ADAMTS9: variants seen among roughly 807,000 people sequenced by gnomAD.
The protein encoded by ADAMTS9 is A disintegrin and metalloproteinase with thrombospondin motifs 9.
Under a neutral mutation model 257.1 loss-of-function variants are expected in ADAMTS9, and 107 were observed. The observed-to-expected ratio is 0.42, with a 90% CI of 0.36 to 0.49. The LOEUF is 0.49. ADAMTS9 is among the 20% of genes least tolerant of loss of function. The pLI, the probability that ADAMTS9 is intolerant of heterozygous loss-of-function variation, is 0.03. For missense variants in ADAMTS9, 2,353 were observed against 2,469.1 expected, an observed-to-expected ratio of 0.95 and a Z score of 1.00; for synonymous variants, 982 against 880.9, an observed-to-expected ratio of 1.11 and a Z score of -2.03.
intron 28 of ADAMTS9, among the ~76,000 whole-genome samples, chr3:64,585,105 C>G (rs2084114455): frequency 6.6e-6 from 1 of 152,088 alleles, no homozygotes; most frequent in South Asian, 2.1e-4. Context: ...CCAGTTTGAA[C>G]TGTGGGTTTC....
At chr3:64,557,460 T>A (rs2083354817) in intron 30 of ADAMTS9, among the ~76,000 whole-genome samples, 2 of 152,196 alleles carry the variant, frequency 1.3e-5, no homozygotes, top group Non-Finnish European at 2.9e-5. Context: ...AACAGCCTCA[T>A]GAGCATTATA....
intron 12 of ADAMTS9, 95 bp downstream of exon 12, chr3:64,641,753 A>G: frequency 6.7e-7 from 1 of 1,495,744 alleles, no homozygotes; most frequent in Non-Finnish European, 9.1e-7. Flanking sequence ...TAGCTCTCTA[A>G]GTTGGAATGT....
intron 29 of ADAMTS9, among the ~76,000 whole-genome samples, chr3:64,563,769 A>G (rs2083471308): frequency 6.6e-6 from 1 of 152,232 alleles, no homozygotes; most frequent in Non-Finnish European, 1.5e-5. Context: ...CCACATTCAA[A>G]AGTTTCTACA....
chr3:64,541,572 C>T lies in ADAMTS9; in HGVS notation c.5246G>A (p.Ser1749Asn). 1 of 1,614,162 alleles carries T rather than the reference C, an allele frequency of 6.2e-7. No homozygotes were observed. Among genetic ancestry groups the T allele is most frequent in the Non-Finnish European group, 8.5e-7 (1 of 1,180,002 alleles). The change falls in exon 34 of 40, where the codon AGT (serine) becomes AAT (asparagine). Residue 1749 changes from serine (S) to asparagine (N), a missense_variant. Physicochemically the swap from Ser to Asn is conservative, Grantham distance 46. Around this residue, in one of 3 missense-constraint regions of ADAMTS9, gnomAD observed 1,402 missense variants for 1,441.4 expected, o/e 0.97. Coordinates refer to ENST00000498707, the MANE Select transcript of ADAMTS9 (RefSeq NM_182920.2). ...CKEVKRLKGASEDGEYFLMIR... is the reference protein window; with the variant it reads ...CKEVKRLKGANEDGEYFLMIR... ...CATCAGGAAATATTCACCATCTTCACTGGCACCTTTAAGTCTTTTTACCTC... is the reference window on the plus strand; with the variant it reads ...CATCAGGAAATATTCACCATCTTCATTGGCACCTTTAAGTCTTTTTACCTC...
intron 3 of ADAMTS9, among the ~76,000 whole-genome samples, chr3:64,664,410 G>A (rs1182264656): frequency 6.6e-6 from 1 of 152,072 alleles, no homozygotes; most frequent in Non-Finnish European, 1.5e-5. Context: ...GGAGAAATCC[G>A]ATACCTCTTA....
chr3:64,641,814 G>A (rs542061385), intron 12 of ADAMTS9, 34 bp downstream of exon 12: 35 of 1,607,122 alleles, frequency 2.2e-5, no homozygotes, highest in Admixed American at 3.4e-5. Flanking sequence ...TTCCTGCCAC[G>A]GCAGTAATAA....
rs188703208 is a variant in ADAMTS9, at chr3:64,520,517, A to G, written c.*5+1649T>C. Reference sequence around the variant, plus strand: ...AAGCAAAAAGAACGAAGCCAGAGGTATCATATTACCGGACTTCAAACTCTA... The same window carrying G: ...AAGCAAAAAGAACGAAGCCAGAGGTGTCATATTACCGGACTTCAAACTCTA... On this transcript the variant is annotated intron_variant, in intron 39 of 39. Transcript: ENST00000498707. Among the ~76,000 whole-genome samples, 38 of 152,298 alleles carry G rather than the reference A, an allele frequency of 2.5e-4. No homozygotes were observed. In the East Asian group the frequency reaches 5.8e-3, roughly 23 times the overall value.
chr3:64,635,712 C>T (rs921809067), intron 12 of ADAMTS9, among the ~76,000 whole-genome samples: 3 of 152,184 alleles, frequency 2.0e-5, no homozygotes, highest in African/African-American at 7.2e-5. Flanking sequence ...AGACTCTTCT[C>T]TGTGCACGTC....
chr3:64,631,584 C>A, intron 15 of ADAMTS9, 34 bp from the exon 16 acceptor site: 1 of 1,533,324 alleles, frequency 6.5e-7, no homozygotes, highest in Non-Finnish European at 9.0e-7. Flanking sequence ...CAGTACTCCA[C>A]AGAATGGTTC....
chr3:64,657,921 G>GA (rs1319285573), intron 4 of ADAMTS9, among the ~76,000 whole-genome samples: 3 of 152,076 alleles, frequency 2.0e-5, no homozygotes, highest in Non-Finnish European at 4.4e-5. Context: ...AATGGGAGTA[G>GA]AAAAATAGAA....
chr3:64,543,272 C>A (rs1409730602), intron 32 of ADAMTS9, among the ~76,000 whole-genome samples: 4 of 152,176 alleles, frequency 2.6e-5, no homozygotes, highest in African/African-American at 9.7e-5. Flanking sequence ...TTTTATGAGG[C>A]CAGCATCATT....
intron 22 of ADAMTS9, among the ~76,000 whole-genome samples, 165 bp downstream of exon 22, chr3:64,613,180 C>CA (rs2084698897): frequency 6.6e-6 from 1 of 152,144 alleles, no homozygotes; most frequent in Non-Finnish European, 1.5e-5. Flanking sequence ...GGAAGGGGGG[C>CA]AAAATGGTTG....
chr3:64,623,148 C>T lies in ADAMTS9; in HGVS notation c.2390-562G>A, dbSNP rs549077067. Among the ~76,000 whole-genome samples the T allele has an allele frequency of 1.6e-4, 24 of 152,236 alleles. 1 individual carries two copies. The highest frequency in any genetic ancestry group is 6.2e-4 in the South Asian group (3 of 4,826). On this transcript the variant is annotated intron_variant, in intron 16 of 39. Coordinates refer to ENST00000498707, the MANE Select transcript of ADAMTS9 (RefSeq NM_182920.2). ...TAGCCAGCCTCAAATATGGCCCCAA[C>T]GAGCCTTGTGGCATGGTATTCACAC... is the stretch of plus-strand genomic sequence containing the variant.
chr3:64,618,018 G>C (rs1700007251), intron 19 of ADAMTS9, among the ~76,000 whole-genome samples: 1 of 152,106 alleles, frequency 6.6e-6, no homozygotes, highest in Non-Finnish European at 1.5e-5. Context: ...ATTTAGGCTT[G>C]GTTTGTGTCG....
At chr3:64,629,850 T>C (rs554004477) in intron 16 of ADAMTS9, among the ~76,000 whole-genome samples, 3 of 152,348 alleles carry the variant, frequency 2.0e-5, no homozygotes, top group Admixed American at 6.5e-5. Flanking sequence ...ATAAATATCA[T>C]ACTTGATTAG....
intron 16 of ADAMTS9, among the ~76,000 whole-genome samples, chr3:64,629,887 A>G (rs911531496): frequency 1.3e-5 from 2 of 152,236 alleles, no homozygotes; most frequent in Non-Finnish European, 2.9e-5. Flanking sequence ...CTCACTGTCT[A>G]TCTATGCAGC....
intron 37 of ADAMTS9, among the ~76,000 whole-genome samples, chr3:64,537,545 A>G (rs954281791): frequency 2.6e-5 from 4 of 152,058 alleles, no homozygotes; most frequent in African/African-American, 9.7e-5. Flanking sequence ...CACTTCTCTA[A>G]AACGTTTAGC....
At chr3:64,524,043 T>C (rs2082881561) in intron 38 of ADAMTS9, among the ~76,000 whole-genome samples, 1 of 152,184 alleles carries the variant, frequency 6.6e-6, no homozygotes, top group South Asian at 2.1e-4. Context: ...CTGATAATAC[T>C]GTTTGGATCA....
chr3:64,645,127 A>C (rs1700754644), intron 11 of ADAMTS9, among the ~76,000 whole-genome samples: 2 of 152,218 alleles, frequency 1.3e-5, no homozygotes, highest in South Asian at 4.1e-4. Context: ...TCACATAGCA[A>C]AATTACTATT....
Sources: allele counts gnomAD v4.1 joint callset (sites outside exome capture counted in the v4.1 genomes callset), GRCh38; gene constraint gnomAD v4.1.1; regional missense constraint gnomAD v4.1.1; transcripts MANE v1.5; gene names NCBI Gene and HGNC (gene_info 2026-07-23, HGNC 2026-07-21).